Variants in ITGA8 observed in about 807,000 individuals in gnomAD.
ITGA8 encodes integrin alpha-8.
A neutral mutation model predicts 142.3 loss-of-function variants in ITGA8; 91 were observed. The ratio of observed to expected loss-of-function variants is 0.64; its 90% CI spans 0.54 to 0.76. The LOEUF is 0.76. Ranked by LOEUF, ITGA8 falls within the 30% of genes least tolerant of loss-of-function variation. The pLI, the probability that ITGA8 is intolerant of heterozygous loss-of-function variation, is 0.00. For missense variants in ITGA8, 1,406 were observed against 1,327.7 expected, an observed-to-expected ratio of 1.06 and a Z score of -0.92; for synonymous variants, 505 against 485.2, an observed-to-expected ratio of 1.04 and a Z score of -0.54.
At chr10:15,621,169 C>CTTTT (rs11417286) in intron 13 of ITGA8, among the ~76,000 whole-genome samples, 1 of 142,772 alleles carries the variant, frequency 7.0e-6, no homozygotes, top group African/African-American at 2.5e-5. Flanking sequence ...CTTAAGCTGG[C>CTTTT]TTTTTTTTTT....
chr10:15,710,158 C>T (rs188303186), intron 2 of ITGA8, among the ~76,000 whole-genome samples: 21 of 152,104 alleles, frequency 1.4e-4, no homozygotes, highest in Non-Finnish European at 2.5e-4. Flanking sequence ...GAGAAAAAAA[C>T]AGTTTTAATC....
At chr10:15,572,396 T>C in intron 24 of ITGA8, 27 bp from the exon 25 acceptor site, 1 of 1,609,370 alleles carries the variant, frequency 6.2e-7, no homozygotes, top group African/African-American at 1.3e-5. Flanking sequence ...TGTTATCTAA[T>C]GACCCAGCAG....
At chr10:15,621,118 A>G (rs1833482840) in intron 13 of ITGA8, among the ~76,000 whole-genome samples, 3 of 151,842 alleles carry the variant, frequency 2.0e-5, no homozygotes, top group Admixed American at 1.3e-4. Context: ...CAAATTGAAA[A>G]CAAACAAATA....
At chr10:15,563,775 C>T (rs1350357754) in intron 25 of ITGA8, among the ~76,000 whole-genome samples, 1 of 152,036 alleles carries the variant, frequency 6.6e-6, no homozygotes, top group Non-Finnish European at 1.5e-5. Flanking sequence ...ATTAGCCAGG[C>T]TGGTGGTGGT....
chr10:15,521,871 A>T (rs1193153263), intron 28 of ITGA8, among the ~76,000 whole-genome samples: 1 of 152,236 alleles, frequency 6.6e-6, no homozygotes, highest in African/African-American at 2.4e-5. Flanking sequence ...AATATTACAC[A>T]TTCTCATTCA....
intron 28 of ITGA8, among the ~76,000 whole-genome samples, chr10:15,529,319 C>G (rs1833245656): frequency 6.6e-6 from 1 of 152,192 alleles, no homozygotes; most frequent in African/African-American, 2.4e-5. Flanking sequence ...GTTCCAGGTA[C>G]AATGCTAGAG....
intron 13 of ITGA8, 46 bp from the exon 14 acceptor site, chr10:15,616,605 A>G (rs745330311): frequency 6.6e-7 from 1 of 1,516,750 alleles, no homozygotes; most frequent in East Asian, 2.3e-5. Flanking sequence ...TCGTATAGAA[A>G]CAATTTACTA....
intron 2 of ITGA8, among the ~76,000 whole-genome samples, chr10:15,711,399 G>C (rs946043266): frequency 3.9e-5 from 6 of 152,184 alleles, no homozygotes; most frequent in African/African-American, 1.4e-4. Context: ...TGGGCTCAGA[G>C]CAACAGCCAC....
Position 15,632,596 on chromosome 10 carries a change from G to A in ITGA8, c.1399+11434C>T, listed in dbSNP as rs561479225. On this transcript the variant is annotated intron_variant, in intron 13 of 29. Transcript: ENST00000378076. Reference sequence around the variant, plus strand: ...GTAAGTGACTGGGCAGAAGCAGGTCGGTATTTCAGGTTCATTCAGTGATAC... The same window carrying A: ...GTAAGTGACTGGGCAGAAGCAGGTCAGTATTTCAGGTTCATTCAGTGATAC... 3.9e-5 allele frequency among the ~76,000 whole-genome samples: 6 copies of A among 152,180 alleles called. 1 individual carries two copies. Among genetic ancestry groups the A allele is most frequent in the South Asian group, 2.1e-4 (1 of 4,824 alleles).
At chr10:15,556,671 C>G (rs1342489616) in intron 26 of ITGA8, among the ~76,000 whole-genome samples, 1 of 152,088 alleles carries the variant, frequency 6.6e-6, no homozygotes, top group Non-Finnish European at 1.5e-5. Context: ...AAATGAGGTA[C>G]CAGCACCTCA....
intron 28 of ITGA8, among the ~76,000 whole-genome samples, chr10:15,530,391 C>T (rs1833263422): frequency 6.6e-6 from 1 of 151,752 alleles, no homozygotes; most frequent in African/African-American, 2.4e-5. Context: ...ATGAAAAATA[C>T]AAAAATTAGC....
chr10:15,517,142 T>C lies in ITGA8; in HGVS notation c.*16A>G. On this transcript the variant is annotated 3_prime_UTR_variant, in exon 30 of 30. Coordinates refer to ENST00000378076, the MANE Select transcript of ITGA8 (RefSeq NM_003638.3). The stretch of plus-strand genomic sequence containing the variant: ...GGACCAGTGTTTGAGGTCTTTGGTC[T>C]TCTTTTTTTTTCTTGTCATGCCTCA... 1 of 1,595,154 alleles carries C rather than the reference T, an allele frequency of 6.3e-7. No homozygotes were observed. The highest frequency in any genetic ancestry group is 1.7e-4 in the Middle Eastern group (1 of 6,010).
chr10:15,530,514 C>T (rs894528115), intron 28 of ITGA8, among the ~76,000 whole-genome samples: 1 of 116,922 alleles, frequency 8.6e-6, no homozygotes, highest in Non-Finnish European at 1.6e-5. Context: ...CCCCTGCACT[C>T]CAACCTGGGC....
Position 15,719,865 on chromosome 10 carries a change from C to A in ITGA8, c.-94G>T. 1 of 982,976 alleles carries A rather than the reference C, an allele frequency of 1.0e-6. No homozygotes were observed. The highest frequency in any genetic ancestry group is 1.3e-6 in the Non-Finnish European group (1 of 747,540). 60.9% of individuals were successfully genotyped at this position (982,976 alleles called of 1,614,324 possible). A position where few individuals can be genotyped will look rare whatever the true frequency, so the allele number is the denominator to read the frequency against. ...GCTGGTGGAATCTGGCGGTCCCCAG[C>A]TGCCCGTGTCCCGGGTCGGTGCGCT... On this transcript the variant is annotated 5_prime_UTR_variant, in exon 1 of 30. Coordinates refer to ENST00000378076, the MANE Select transcript of ITGA8 (RefSeq NM_003638.3).
At chr10:15,575,684 A>C (rs1834277449) in intron 23 of ITGA8, 90 bp from the exon 24 acceptor site, 1 of 1,046,954 alleles carries the variant, frequency 9.6e-7, no homozygotes, top group Non-Finnish European at 1.5e-6. Flanking sequence ...AAGCAGAAGA[A>C]AGTGGTTTTC....
chr10:15,535,121 G>C (rs934342721), intron 27 of ITGA8, among the ~76,000 whole-genome samples: 2 of 152,098 alleles, frequency 1.3e-5, no homozygotes, highest in African/African-American at 4.8e-5. Context: ...CAGCAGTGCC[G>C]GCCCACCGGT....
chr10:15,534,446 C>T (rs190616563), intron 27 of ITGA8, among the ~76,000 whole-genome samples: 12 of 152,242 alleles, frequency 7.9e-5, no homozygotes, highest in African/African-American at 2.9e-4. Flanking sequence ...TTCTACAGAA[C>T]CTAGAACAAT....
rs536350740 is a variant in ITGA8, at chr10:15,673,298, C to T, written c.677-549G>A. On this transcript the variant is annotated intron_variant, in intron 6 of 29. Coordinates refer to ENST00000378076, the MANE Select transcript of ITGA8 (RefSeq NM_003638.3). The stretch of plus-strand genomic sequence containing the variant: ...CGCAGTTTCACTATGTTGGCAAGGG[C>T]GGTCTCAAATTCCTGACTTCGTGAT... Among the ~76,000 whole-genome samples the T allele has an allele frequency of 3.8e-4, 58 of 152,160 alleles. 1 individual carries two copies. Among genetic ancestry groups the T allele is most frequent in the Admixed American group, 1.2e-3 (18 of 15,272 alleles).
chr10:15,560,995 G>A (rs1258274295), intron 25 of ITGA8, among the ~76,000 whole-genome samples: 2 of 151,812 alleles, frequency 1.3e-5, no homozygotes, highest in Non-Finnish European at 2.9e-5. Flanking sequence ...TTACAGCAGA[G>A]TGATCCTCCT....
Sources: allele counts gnomAD v4.1 joint callset (sites outside exome capture counted in the v4.1 genomes callset), GRCh38; gene constraint gnomAD v4.1.1; transcripts MANE v1.5; gene names NCBI Gene and HGNC (gene_info 2026-07-23, HGNC 2026-07-21).